The following TSPAN4 variants were observed in gnomAD, a reference collection of about 807,000 sequenced individuals.
TSPAN4 encodes tetraspanin-4.
Under a neutral mutation model 31.5 loss-of-function variants are expected in TSPAN4, and 38 were observed. The ratio of observed to expected loss-of-function variants is 1.21; its 90% CI spans 0.93 to 1.58. The LOEUF (loss-of-function observed/expected upper bound fraction) is 1.58, where lower values mean the gene tolerates loss of function less well. Ranked by LOEUF, TSPAN4 falls within the 40% of genes most tolerant of loss-of-function variation. TSPAN4 has a pLI of 0.00. For synonymous variants in TSPAN4, 186 were observed against 144.6 expected, an observed-to-expected ratio of 1.29 and a Z score of -2.06; for missense variants, 330 against 317.3, an observed-to-expected ratio of 1.04 and a Z score of -0.30.
intron 3 of TSPAN4, among the ~76,000 whole-genome samples, chr11:860,955 A>C (rs1052087049): frequency 1.3e-5 from 2 of 152,186 alleles, no homozygotes; most frequent in Non-Finnish European, 2.9e-5. Context: ...CCCACGCTGC[A>C]GACCGGGAGC....
intron 3 of TSPAN4, chr11:857,371 G>A (rs963034421): frequency 6.6e-6 from 1 of 151,318 alleles, no homozygotes; most frequent in African/African-American, 2.4e-5. Flanking sequence ...GTCCTTGGAA[G>A]GCAGAGGCAG....
Position 862,761 on chromosome 11 carries a change from C to T in TSPAN4, c.255+20C>T, listed in dbSNP as rs201593242. The T allele has an allele frequency of 5.7e-5, 91 of 1,597,874 alleles. No homozygotes were observed. The highest frequency in any genetic ancestry group is 2.2e-4 in the East Asian group (10 of 44,564). ...CTCACTGTGAGTGCCGGGGCCCAAG[C>T]GATGCTCCGGGTGGGACCACGCAGG... On this transcript the variant is annotated intron_variant, in intron 4 of 8. Transcript: ENST00000397397.
At chr11:860,318 C>G (rs1383315923) in intron 3 of TSPAN4, among the ~76,000 whole-genome samples, 1 of 152,226 alleles carries the variant, frequency 6.6e-6, no homozygotes, top group Non-Finnish European at 1.5e-5. Flanking sequence ...TCTTGGGGCA[C>G]CAGCAGCCAT....
chr11:855,758 AC>A (rs1156482348), intron 3 of TSPAN4, among the ~76,000 whole-genome samples: 1 of 152,142 alleles, frequency 6.6e-6, no homozygotes, highest in Admixed American at 6.5e-5. Flanking sequence ...ATCCCTGGAA[AC>A]CAGCATCCCA....
intron 8 of TSPAN4, 60 bp downstream of exon 8, chr11:866,061 G>C: frequency 1.3e-6 from 2 of 1,569,634 alleles, no homozygotes; most frequent in Non-Finnish European, 1.7e-6. Flanking sequence ...TCTGAGCCCA[G>C]GGAACAAAGT....
intron 3 of TSPAN4, among the ~76,000 whole-genome samples, chr11:854,508 C>T (rs926653202): frequency 6.6e-6 from 1 of 152,028 alleles, no homozygotes. Context: ...TGCGCTGATC[C>T]CCGGGGAGAC....
chr11:863,481 GCAAGCCCCAAGTCTATCAGCCTCC>G (rs1211409626), intron 4 of TSPAN4: 10 of 152,440 alleles, frequency 6.6e-5, no homozygotes, highest in African/African-American at 2.4e-4. Context: ...CTTCCTGGGG[GCAAGCCCCAAGTCTATCAGCCTCC>G]CTGGCATCAG....
intron 4 of TSPAN4, chr11:864,183 G>T: frequency 3.5e-6 from 2 of 574,158 alleles, no homozygotes; most frequent in Admixed American, 3.0e-5. Flanking sequence ...ATGGGGGCAG[G>T]GGAGGGGAGC....
rs1018723644 is a variant in TSPAN4 at position 850,371 on chromosome 11, AGTCCGGG to A, written c.63+6_63+12del. ...CGCCTTCAACCTGCTCTTCTGGGTG[AGTCCGGG>A]GGCCGGGGTGGGGGCCCGGGAAAGA... On this transcript the variant is annotated splice_donor_5th_base_variant and intron_variant, in intron 3 of 8. Transcript: ENST00000397397. The A allele has an allele frequency of 6.9e-6, 11 of 1,600,084 alleles. No homozygotes were observed. Among genetic ancestry groups the A allele is most frequent in the Admixed American group, 1.7e-5 (1 of 59,824 alleles).
intron 3 of TSPAN4, among the ~76,000 whole-genome samples, 165 bp downstream of exon 3, chr11:850,532 G>A (rs1276567838): frequency 6.6e-6 from 1 of 152,204 alleles, no homozygotes; most frequent in Non-Finnish European, 1.5e-5. Flanking sequence ...TAGGAGCCTG[G>A]ACTGGGCGGG....
intron 5 of TSPAN4, 80 bp downstream of exon 5, chr11:864,591 G>T: frequency 1.3e-6 from 2 of 1,552,704 alleles, no homozygotes; most frequent in South Asian, 2.2e-5. Flanking sequence ...TGGGCCCGGT[G>T]TGGACAGAGT....
Position 866,613 on chromosome 11 carries a change from G to A in TSPAN4, c.700G>A (p.Asp234Asn). 1 of 1,613,194 alleles carries A rather than the reference G, an allele frequency of 6.2e-7. No individual in the cohort carries two copies. Among genetic ancestry groups the A allele is most frequent in the East Asian group, 2.2e-5 (1 of 44,850 alleles). The change falls in exon 9 of 9, where the codon GAC becomes AAC. Residue 234 changes from aspartate (D) to asparagine (N), a missense_variant. Coordinates refer to ENST00000397397, the MANE Select transcript of TSPAN4 (RefSeq NM_003271.5). ...MTMYCQVVKA[D>N]TYCA ...CATGTACTGCCAAGTGGTCAAGGCA[G>A]ACACCTACTGCGCGTAGGCCGCCCA...
chr11:864,389 A>T, intron 4 of TSPAN4, 48 bp from the exon 5 acceptor site: 3 of 1,605,358 alleles, frequency 1.9e-6, no homozygotes, highest in Non-Finnish European at 2.5e-6. Context: ...TGTGGGGCGG[A>T]GGCTGTGCGG....
intron 3 of TSPAN4, chr11:858,113 A>T (rs1848163079): frequency 6.6e-6 from 1 of 152,390 alleles, no homozygotes; most frequent in Non-Finnish European, 1.5e-5. Context: ...CCTTGTCTGT[A>T]CATGGTGTGT....
chr11:858,907 C>A (rs1020947779), intron 3 of TSPAN4, among the ~76,000 whole-genome samples: 1 of 136,142 alleles, frequency 7.3e-6, no homozygotes, highest in Non-Finnish European at 1.6e-5. Flanking sequence ...CCCGCTCACA[C>A]GCACCCCAGC....
intron 3 of TSPAN4, among the ~76,000 whole-genome samples, chr11:860,278 C>G (rs945042907): frequency 1.3e-5 from 2 of 152,144 alleles, no homozygotes; most frequent in Non-Finnish European, 2.9e-5. Flanking sequence ...CCAGAGGGAC[C>G]GAAGACACCA....
In TSPAN4 at chr11:862,533, C is replaced by G; in HGVS notation, c.64-17C>G. The G allele has an allele frequency of 6.3e-7, 1 of 1,593,478 alleles. No homozygotes were observed. On this transcript the variant is annotated splice_polypyrimidine_tract_variant and intron_variant, in intron 3 of 8. Coordinates refer to ENST00000397397, the MANE Select transcript of TSPAN4 (RefSeq NM_003271.5). Reference sequence around the variant, plus strand: ...GGGCCTCACCCTGTCTGTGTCTCTCCTGTTGCTGTGCCCCAGCTGGGAGGC... The same window carrying G: ...GGGCCTCACCCTGTCTGTGTCTCTCGTGTTGCTGTGCCCCAGCTGGGAGGC...
At chr11:862,947 G>A (rs376200929) in intron 4 of TSPAN4, 15 of 586,422 alleles carry the variant, frequency 2.6e-5, no homozygotes, top group Non-Finnish European at 3.3e-5. Flanking sequence ...TTTGCAGAGC[G>A]GTGTGGGGGT....
rs1848862339 is a variant in TSPAN4 at position 866,570 on chromosome 11, C to T, written c.657C>T (p.Gly219=). Residue 219 remains glycine (G), a synonymous_variant, in exon 9 of 9, where the codon GGC becomes GGT. Coordinates refer to ENST00000397397, the MANE Select transcript of TSPAN4 (RefSeq NM_003271.5). ...GLCTALVQIL[G]LTFAMTMYCQ... The stretch of plus-strand genomic sequence containing the variant: ...TCCTCCCCTACCTACAGATCCTGGG[C>T]CTGACCTTCGCCATGACCATGTACT... 1.9e-6 allele frequency: 3 copies of T among 1,613,412 alleles called. No individual in the cohort carries two copies. The highest frequency in any genetic ancestry group is 8.5e-7 in the Non-Finnish European group (1 of 1,179,788).
Sources: allele counts gnomAD v4.1 joint callset (sites outside exome capture counted in the v4.1 genomes callset), GRCh38; gene constraint gnomAD v4.1.1; transcripts MANE v1.5; gene names NCBI Gene and HGNC (gene_info 2026-07-23, HGNC 2026-07-21).